The following BRINP3 variants were observed in gnomAD, a reference collection of about 807,000 sequenced individuals.
The protein encoded by BRINP3 is BMP/retinoic acid-inducible neural-specific protein 3.
In BRINP3, 19 loss-of-function variants were observed where a neutral mutation model predicts 71.0. That is an observed-to-expected ratio of 0.27 (90% confidence interval 0.19 to 0.39). The LOEUF is 0.39. Ranked by LOEUF, BRINP3 falls within the 10% of genes least tolerant of loss-of-function variation. The pLI is 1.00. For missense variants in BRINP3, 959 were observed against 940.8 expected (o/e 1.02, Z -0.25); for synonymous variants, 380 against 337.7 (o/e 1.13, Z -1.37).
chr1:190,325,947 A>G (rs1472198518), intron 2 of BRINP3, among the ~76,000 whole-genome samples: 1 of 152,148 alleles, frequency 6.6e-6, no homozygotes, highest in East Asian at 1.9e-4. Context: ...CCTGAAGGTC[A>G]AATAACTCAT....
At chr1:190,297,396 T>C (rs1042790689) in intron 2 of BRINP3, among the ~76,000 whole-genome samples, 5 of 151,664 alleles carry the variant, frequency 3.3e-5, no homozygotes, top group Non-Finnish European at 5.9e-5. Flanking sequence ...AAGACTTAAA[T>C]GTAAGAACTG....
At chr1:190,455,771 GAC>G (rs1474508946) in intron 1 of BRINP3, among the ~76,000 whole-genome samples, 3 of 152,046 alleles carry the variant, frequency 2.0e-5, no homozygotes, top group Non-Finnish European at 4.4e-5. Flanking sequence ...AGCTAATGCA[GAC>G]TATTCATAGA....
At chr1:190,465,801 A>AT (rs1365590732) in intron 1 of BRINP3, among the ~76,000 whole-genome samples, 6 of 151,944 alleles carry the variant, frequency 3.9e-5, no homozygotes, top group Admixed American at 3.3e-4. Flanking sequence ...ATTATGAATA[A>AT]TTTTTTTATT....
chr1:190,386,138 A>T (rs1373184626), intron 2 of BRINP3, among the ~76,000 whole-genome samples: 2 of 148,338 alleles, frequency 1.3e-5, no homozygotes, highest in Admixed American at 1.4e-4. Context: ...CTAGATGACG[A>T]GTTAGTGGTT....
intron 6 of BRINP3, among the ~76,000 whole-genome samples, chr1:190,222,948 C>A (rs1473348740): frequency 1.3e-5 from 2 of 151,596 alleles, no homozygotes; most frequent in Non-Finnish European, 3.0e-5. Context: ...CCTGGACACA[C>A]ACAACTTACC....
rs550523223 is a variant in BRINP3, at chr1:190,350,908, C to T, written c.237-69158G>A. ...TGCAAACTTGGCTCACAGCAACCTC[C>T]GTCTCCCATGTTGAAGCGGTTCTCC... On this transcript the variant is annotated intron_variant, in intron 2 of 7. Transcript: ENST00000367462. Among the ~76,000 whole-genome samples, 30 of 151,708 alleles carry T rather than the reference C, an allele frequency of 2.0e-4. 1 individual carries two copies. Among genetic ancestry groups the T allele is most frequent in the East Asian group, 1.2e-3 (6 of 5,110 alleles).
At chr1:190,393,383 T>C (rs1387152532) in intron 2 of BRINP3, among the ~76,000 whole-genome samples, 3 of 151,620 alleles carry the variant, frequency 2.0e-5, no homozygotes, top group African/African-American at 7.2e-5. Context: ...CTAAAAGAGA[T>C]GCTAACGTGG....
At chr1:190,139,510 C>T (rs530809358) in intron 7 of BRINP3, among the ~76,000 whole-genome samples, 3 of 149,086 alleles carry the variant, frequency 2.0e-5, no homozygotes, top group East Asian at 4.0e-4. Flanking sequence ...TGTCATCTGA[C>T]ATTTGAGTGT....
intron 2 of BRINP3, among the ~76,000 whole-genome samples, chr1:190,383,498 T>C (rs1670683162): frequency 6.6e-6 from 1 of 152,048 alleles, no homozygotes; most frequent in Non-Finnish European, 1.5e-5. Context: ...ATATAAACTA[T>C]AAGTTACTCA....
intron 6 of BRINP3, among the ~76,000 whole-genome samples, chr1:190,182,844 A>G (rs2102541287): frequency 6.6e-6 from 1 of 152,298 alleles, no homozygotes; most frequent in Admixed American, 6.5e-5. Context: ...TCATATGGAC[A>G]GTAAAATAAT....
intron 2 of BRINP3, among the ~76,000 whole-genome samples, chr1:190,323,238 A>T (rs1666363279): frequency 6.6e-6 from 1 of 152,024 alleles, no homozygotes; most frequent in Non-Finnish European, 1.5e-5. Flanking sequence ...ACAAATTTAT[A>T]TGTTAAGTTG....
intron 2 of BRINP3, among the ~76,000 whole-genome samples, chr1:190,320,334 G>A (rs550347116): frequency 6.6e-6 from 1 of 152,002 alleles, no homozygotes; most frequent in Non-Finnish European, 1.5e-5. Context: ...AGTTGTAATT[G>A]TGGTGAGTTA....
At chr1:190,117,692 A>G (rs1459099316) in intron 7 of BRINP3, among the ~76,000 whole-genome samples, 1 of 152,078 alleles carries the variant, frequency 6.6e-6, no homozygotes, top group Non-Finnish European at 1.5e-5. Flanking sequence ...AAATGTCATT[A>G]TCACATAACA....
At chr1:190,189,453 AT>A (rs1653836412) in intron 6 of BRINP3, among the ~76,000 whole-genome samples, 2 of 151,420 alleles carry the variant, frequency 1.3e-5, no homozygotes, top group South Asian at 2.1e-4. Flanking sequence ...CCCTTCTATT[AT>A]TTTTTCTTTT....
intron 6 of BRINP3, among the ~76,000 whole-genome samples, chr1:190,221,744 A>G (rs1656910556): frequency 6.6e-6 from 1 of 152,136 alleles, no homozygotes; most frequent in African/African-American, 2.4e-5. Context: ...GCAACTGGAA[A>G]ACAAAGGAGC....
intron 2 of BRINP3, among the ~76,000 whole-genome samples, chr1:190,436,817 G>T (rs1674488690): frequency 6.6e-6 from 1 of 151,702 alleles, no homozygotes; most frequent in Non-Finnish European, 1.5e-5. Flanking sequence ...CCATCTGGTG[G>T]AAGCTCTTAT....
At chr1:190,348,491 TCA>T (rs2102030355) in intron 2 of BRINP3, among the ~76,000 whole-genome samples, 1 of 152,250 alleles carries the variant, frequency 6.6e-6, no homozygotes, top group East Asian at 1.9e-4. Context: ...CTTCTTAAAT[TCA>T]GTTTGTTTCT....
chr1:190,215,911 T>C (rs1656371956), intron 6 of BRINP3, among the ~76,000 whole-genome samples: 1 of 151,828 alleles, frequency 6.6e-6, no homozygotes, highest in Non-Finnish European at 1.5e-5. Context: ...ATTTGTAAAA[T>C]ATCCGTTCTT....
intron 2 of BRINP3, among the ~76,000 whole-genome samples, chr1:190,311,958 T>C (rs1665551894): frequency 6.8e-6 from 1 of 147,038 alleles, no homozygotes. Flanking sequence ...ATTCAAAACA[T>C]GTTATCTTAA....
Sources: allele counts gnomAD v4.1 joint callset (sites outside exome capture counted in the v4.1 genomes callset), GRCh38; gene constraint gnomAD v4.1.1; transcripts MANE v1.5; gene names NCBI Gene and HGNC (gene_info 2026-07-23, HGNC 2026-07-21).